MAPKAP1: variants seen among roughly 807,000 people sequenced by gnomAD.
The protein encoded by MAPKAP1 is target of rapamycin complex 2 subunit MAPKAP1.
A neutral mutation model predicts 65.7 loss-of-function variants in MAPKAP1; 20 were observed. That is an observed-to-expected ratio of 0.30 (90% CI 0.21 to 0.44). The LOEUF (loss-of-function observed/expected upper bound fraction) is 0.44, where lower values mean the gene tolerates loss of function less well. MAPKAP1 is among the 20% of genes least tolerant of loss of function. MAPKAP1 has a pLI of 1.00. For synonymous variants in MAPKAP1, 222 were observed against 244.3 expected (o/e 0.91, Z 0.85); for missense variants, 423 against 648.0 (o/e 0.65, Z 3.77).
chr9:125,490,819 A>G (rs540488731), intron 8 of MAPKAP1, among the ~76,000 whole-genome samples: 1 of 152,210 alleles, frequency 6.6e-6, no homozygotes, highest in South Asian at 2.1e-4. Context: ...CAATATAATA[A>G]AATAATGACA....
chr9:125,683,249 C>A (rs949792397), intron 1 of MAPKAP1, among the ~76,000 whole-genome samples: 4 of 152,148 alleles, frequency 2.6e-5, no homozygotes, highest in African/African-American at 4.8e-5. Flanking sequence ...TGAGCCACTG[C>A]GCCTGGCTTA....
chr9:125,688,002 T>C (rs766020009), intron 1 of MAPKAP1, among the ~76,000 whole-genome samples: 7 of 152,172 alleles, frequency 4.6e-5, no homozygotes, highest in African/African-American at 1.2e-4. Flanking sequence ...TTATGTGACT[T>C]TGAATGGTGC....
intron 10 of MAPKAP1, among the ~76,000 whole-genome samples, chr9:125,464,282 A>C (rs1219985935): frequency 6.6e-6 from 1 of 151,674 alleles, no homozygotes; most frequent in Admixed American, 6.6e-5. Context: ...TCCCTAAGAA[A>C]ATTTAAACAT....
At chr9:125,480,316 A>T (rs930001179) in intron 9 of MAPKAP1, among the ~76,000 whole-genome samples, 1 of 152,208 alleles carries the variant, frequency 6.6e-6, no homozygotes, top group Non-Finnish European at 1.5e-5. Flanking sequence ...ATAAAGACTG[A>T]ACTTTGAGGA....
intron 6 of MAPKAP1, among the ~76,000 whole-genome samples, chr9:125,551,034 G>T (rs550023735): frequency 6.6e-6 from 1 of 152,252 alleles, no homozygotes; most frequent in African/African-American, 2.4e-5. Flanking sequence ...TTATAAAAGT[G>T]AATTGCGTAT....
At chr9:125,551,623 G>A (rs759250765) in intron 6 of MAPKAP1, among the ~76,000 whole-genome samples, 1 of 151,602 alleles carries the variant, frequency 6.6e-6, no homozygotes, top group Non-Finnish European at 1.5e-5. Flanking sequence ...AACCTAAGGA[G>A]ATTCTGACCA....
At position 125,640,850 on chromosome 9, in the gene MAPKAP1, G is replaced by A. The variant is rs571355496; in HGVS notation, c.498+16801C>T. 9.9e-5 allele frequency among the ~76,000 whole-genome samples: 15 copies of A among 152,270 alleles called. 1 individual carries two copies. In the South Asian group the frequency reaches 3.1e-3, roughly 32 times the overall value. ...ATTATTTTCTTATGCAACATGTTGG[G>A]AAATTTAGAGACTCTAATATTCTAC... On this transcript the variant is annotated intron_variant, in intron 4 of 11. Transcript: ENST00000265960.
intron 1 of MAPKAP1, among the ~76,000 whole-genome samples, chr9:125,678,822 CTTTA>C (rs1834733729): frequency 6.6e-6 from 1 of 152,056 alleles, no homozygotes. Flanking sequence ...CATTTCCAAA[CTTTA>C]TTTATAATGG....
At chr9:125,491,220 G>A (rs914896213) in intron 8 of MAPKAP1, among the ~76,000 whole-genome samples, 1 of 151,856 alleles carries the variant, frequency 6.6e-6, no homozygotes, top group Admixed American at 6.6e-5. Context: ...GAGGTGGGTG[G>A]ATTGCTTGAG....
chr9:125,598,247 G>C (rs1034935829), intron 4 of MAPKAP1, among the ~76,000 whole-genome samples: 3 of 152,052 alleles, frequency 2.0e-5, no homozygotes, highest in Admixed American at 6.5e-5. Context: ...TAGGGGCTTG[G>C]CTTTGTAGTG....
chr9:125,490,334 G>A (rs769781197), intron 8 of MAPKAP1, among the ~76,000 whole-genome samples: 37 of 151,972 alleles, frequency 2.4e-4, no homozygotes, highest in Non-Finnish European at 4.6e-4. Context: ...GAGGTCAAGA[G>A]TTCGAGACCA....
intron 3 of MAPKAP1, among the ~76,000 whole-genome samples, chr9:125,658,795 C>T (rs1834105064): frequency 1.3e-5 from 2 of 152,298 alleles, no homozygotes; most frequent in Admixed American, 6.5e-5. Context: ...AGATGATAAG[C>T]GGCTATGAAG....
At chr9:125,602,080 C>A (rs758036052) in intron 4 of MAPKAP1, among the ~76,000 whole-genome samples, 1 of 152,020 alleles carries the variant, frequency 6.6e-6, no homozygotes, top group Admixed American at 6.6e-5. Context: ...TAAAGAGACC[C>A]CATCTCTACA....
chr9:125,557,920 G>GA lies in MAPKAP1; in HGVS notation c.848+1712dup, dbSNP rs1357290790. Among the ~76,000 whole-genome samples, 4 of 152,220 alleles carry GA rather than the reference G, an allele frequency of 2.6e-5. No homozygotes were observed. In the East Asian group the frequency reaches 7.7e-4, roughly 29 times the overall value. On this transcript the variant is annotated intron_variant, in intron 6 of 11. Coordinates refer to ENST00000265960, the MANE Select transcript of MAPKAP1 (RefSeq NM_001006617.3). ...CGCCCAGGCTGGAGTGCAATGGCGC[G>GA]ATCTCAGCTAACTGCTACCTCCGCC...
At chr9:125,706,807 T>C (rs1588096653) in intron 1 of MAPKAP1, among the ~76,000 whole-genome samples, 164 bp downstream of exon 1, 1 of 151,984 alleles carries the variant, frequency 6.6e-6, no homozygotes, top group East Asian at 1.9e-4. Flanking sequence ...CAGCCTCCAG[T>C]TCTGGAAATG....
At chr9:125,633,562 A>G (rs1049323308) in intron 4 of MAPKAP1, among the ~76,000 whole-genome samples, 1 of 152,224 alleles carries the variant, frequency 6.6e-6, no homozygotes, top group South Asian at 2.1e-4. Context: ...GATTATGTGT[A>G]ATGGGCAATT....
intron 1 of MAPKAP1, among the ~76,000 whole-genome samples, chr9:125,686,504 A>G (rs1834983172): frequency 6.6e-6 from 1 of 152,192 alleles, no homozygotes; most frequent in African/African-American, 2.4e-5. Flanking sequence ...GCTGAACTAT[A>G]TGAAGGGACT....
At chr9:125,654,750 G>T (rs1833983996) in intron 4 of MAPKAP1, among the ~76,000 whole-genome samples, 1 of 152,128 alleles carries the variant, frequency 6.6e-6, no homozygotes, top group Admixed American at 6.5e-5. Flanking sequence ...CAACAATCCA[G>T]TTGGCATGAA....
In MAPKAP1 at chr9:125,659,656, T is replaced by C. The variant is rs1014404368; in HGVS notation, c.350-1857A>G. Among the ~76,000 whole-genome samples the C allele has an allele frequency of 8.6e-5, 13 of 151,948 alleles. No individual in the cohort carries two copies. In the East Asian group the frequency reaches 1.9e-3, roughly 23 times the overall value. On this transcript the variant is annotated intron_variant, in intron 3 of 11. Coordinates refer to ENST00000265960, the MANE Select transcript of MAPKAP1 (RefSeq NM_001006617.3). The stretch of plus-strand genomic sequence containing the variant: ...CAGCAATTCTCTTCTCTCTCTTCCA[T>C]TGTCAATTTTTCTCTTACTGAATTA...
Sources: allele counts gnomAD v4.1 joint callset (sites outside exome capture counted in the v4.1 genomes callset), GRCh38; gene constraint gnomAD v4.1.1; transcripts MANE v1.5; gene names NCBI Gene and HGNC (gene_info 2026-07-23, HGNC 2026-07-21).